The following PI4KB variants were observed in gnomAD, a reference collection of about 807,000 sequenced individuals.
PI4KB encodes the protein PtdIns 4-kinase beta.
In PI4KB, 23 loss-of-function variants were observed where a neutral mutation model predicts 81.4. The ratio of observed to expected loss-of-function variants is 0.28; its 90% CI spans 0.20 to 0.40. PI4KB has a LOEUF of 0.40. Among genes scored for constraint, PI4KB ranks in the 10% least tolerant of loss-of-function variants. The pLI is 1.00. For missense variants in PI4KB, 651 were observed against 1,036.6 expected (o/e 0.63, Z 5.11); for synonymous variants, 381 against 406.8 (o/e 0.94, Z 0.76).
chr1:151,310,434 C>T (rs1696129893), intron 2 of PI4KB, among the ~76,000 whole-genome samples, 179 bp from the exon 3 acceptor site: 1 of 152,204 alleles, frequency 6.6e-6, no homozygotes, highest in South Asian at 2.1e-4. Context: ...TGCTTGACCA[C>T]TTGTAGGAGA....
At chr1:151,314,784 T>C (rs919784066) in intron 2 of PI4KB, among the ~76,000 whole-genome samples, 9 of 151,894 alleles carry the variant, frequency 5.9e-5, no homozygotes, top group African/African-American at 1.4e-4. Flanking sequence ...TGAGGAGGAG[T>C]GGCCAGGAGA....
intron 1 of PI4KB, among the ~76,000 whole-genome samples, chr1:151,318,414 TCA>T (rs1648318476): frequency 9.2e-6 from 1 of 108,644 alleles, no homozygotes; most frequent in Admixed American, 1.0e-4. Context: ...AGACTCTGTC[TCA>T]AAAAAAAAAA....
chr1:151,316,833 T>C (rs1279504328), intron 1 of PI4KB, among the ~76,000 whole-genome samples: 2 of 152,232 alleles, frequency 1.3e-5, no homozygotes, highest in Non-Finnish European at 2.9e-5. Flanking sequence ...GTTGTTGTTG[T>C]TGTTGTTGAG....
rs75398931 is a variant in PI4KB at position 151,310,064 on chromosome 1, G to C, written c.954+147C>G. The C allele has an allele frequency of 8.7e-3, 5,567 of 636,318 alleles. 236 individuals carry two copies. In the African/African-American group the frequency reaches 0.09, roughly 10 times the overall value. 39.4% of individuals were successfully genotyped at this position (636,318 alleles called of 1,614,324 possible). A position where few individuals can be genotyped will look rare whatever the true frequency, so the allele number is the denominator to read the frequency against. On this transcript the variant is annotated intron_variant, in intron 3 of 11. Coordinates refer to ENST00000368873, the MANE Select transcript of PI4KB (RefSeq NM_001369623.2). The stretch of plus-strand genomic sequence containing the variant: ...CAGGGGAACTCCAGCAGATCTGGGA[G>C]GTCTGGGAGGGAGGAGCTGATCTCC...
Position 151,320,839 on chromosome 1 carries a change from C to T in PI4KB, c.-28-4330G>A, listed in dbSNP as rs111936236. On this transcript the variant is annotated intron_variant, in intron 1 of 11. Transcript: ENST00000368873. Reference sequence around the variant, plus strand: ...TTCTCAGTCTCTATGTTTGGTACATCCTTTCCTCTCCCTCTAGTCCACAGA... The same window carrying T: ...TTCTCAGTCTCTATGTTTGGTACATTCTTTCCTCTCCCTCTAGTCCACAGA... Among the ~76,000 whole-genome samples, 14 of 152,344 alleles carry T rather than the reference C, an allele frequency of 9.2e-5. 1 individual carries two copies. Among genetic ancestry groups the T allele is most frequent in the African/African-American group, 3.4e-4 (14 of 41,580 alleles).
chr1:151,311,803 A>G lies in PI4KB; in HGVS notation c.910-1548T>C, dbSNP rs1696251236. 2.6e-5 allele frequency among the ~76,000 whole-genome samples: 4 copies of G among 152,222 alleles called. No individual in the cohort carries two copies. The South Asian group carries it at 8.3e-4, about 31-fold the overall frequency. On this transcript the variant is annotated intron_variant, in intron 2 of 11. Coordinates refer to ENST00000368873, the MANE Select transcript of PI4KB (RefSeq NM_001369623.2). ...TCCGGGGAGTAAAGATGAAGCAAGA[A>G]GCTGACATCACACCATATCAAGCTA...
chr1:151,293,493 G>C, intron 11 of PI4KB: 1 of 1,095,330 alleles, frequency 9.1e-7, no homozygotes, highest in Non-Finnish European at 1.2e-6. Flanking sequence ...TGGGGAGGAG[G>C]GGGAGACTGG....
At chr1:151,293,803 C>T in intron 11 of PI4KB, 2 of 529,306 alleles carry the variant, frequency 3.8e-6, no homozygotes, top group Non-Finnish European at 6.6e-6. Flanking sequence ...GAGGCAGGTG[C>T]TGCTATCCCC....
chr1:151,311,701 G>T (rs1469618752), intron 2 of PI4KB, among the ~76,000 whole-genome samples: 1 of 152,322 alleles, frequency 6.6e-6, no homozygotes, highest in South Asian at 2.1e-4. Flanking sequence ...CTCATTGACA[G>T]CCCTGGGGGA....
intron 5 of PI4KB, among the ~76,000 whole-genome samples, chr1:151,305,545 T>C (rs587763589): frequency 1.3e-5 from 2 of 152,314 alleles, no homozygotes; most frequent in East Asian, 1.9e-4. Context: ...TTCCTACCCA[T>C]GCTTCCAGCC....
intron 3 of PI4KB, among the ~76,000 whole-genome samples, chr1:151,308,717 G>A (rs771651723): frequency 6.6e-6 from 1 of 152,062 alleles, no homozygotes. Flanking sequence ...AGCTAGACAC[G>A]AAGAAAGGCT....
At chr1:151,321,443 G>C (rs2102014998) in intron 1 of PI4KB, among the ~76,000 whole-genome samples, 2 of 152,080 alleles carry the variant, frequency 1.3e-5, no homozygotes, top group South Asian at 4.2e-4. Context: ...GGAGTGCAGT[G>C]GCGCAATGTT....
intron 1 of PI4KB, among the ~76,000 whole-genome samples, chr1:151,322,251 T>G (rs1412080192): frequency 6.6e-6 from 1 of 152,162 alleles, no homozygotes; most frequent in East Asian, 1.9e-4. Flanking sequence ...CTGGTCTGAG[T>G]GACAAGGAAT....
At chr1:151,327,171 T>C (rs1571241611) in intron 1 of PI4KB, 100 bp downstream of exon 1, 1 of 391,310 alleles carries the variant, frequency 2.6e-6, no homozygotes, top group African/African-American at 2.1e-5. Context: ...AGTTTCGTAG[T>C]CGAACTCAGG....
chr1:151,305,073 G>C (rs1695648810), intron 5 of PI4KB, among the ~76,000 whole-genome samples: 1 of 151,754 alleles, frequency 6.6e-6, no homozygotes. Flanking sequence ...CAGGTGATCT[G>C]CTCGCCCTGT....
chr1:151,297,068 C>T (rs587639446), intron 9 of PI4KB, among the ~76,000 whole-genome samples: 150 of 152,338 alleles, frequency 9.8e-4, no homozygotes, highest in African/African-American at 3.5e-3. Flanking sequence ...TGAGCCACTG[C>T]ATCCAGCCTA....
rs1694487399 is a variant in PI4KB at position 151,293,424 on chromosome 1, T to C, written c.2270-391A>G. The C allele has an allele frequency of 3.2e-6, 4 of 1,256,206 alleles. No homozygotes were observed. The South Asian group carries it at 4.2e-5, about 13-fold the overall frequency. 77.8% of individuals were successfully genotyped at this position (1,256,206 alleles called of 1,614,324 possible). A position where few individuals can be genotyped will look rare whatever the true frequency, so the allele number is the denominator to read the frequency against. Reference sequence around the variant, plus strand: ...CAGATGACCTGGGCCACCGTCATCATGGGGCCAGATGGGGATGATCCTGAG... The same window carrying C: ...CAGATGACCTGGGCCACCGTCATCACGGGGCCAGATGGGGATGATCCTGAG... On this transcript the variant is annotated intron_variant, in intron 11 of 11. Coordinates refer to ENST00000368873, the MANE Select transcript of PI4KB (RefSeq NM_001369623.2).
intron 1 of PI4KB, among the ~76,000 whole-genome samples, chr1:151,323,079 G>C (rs1476752623): frequency 1.3e-5 from 2 of 152,078 alleles, no homozygotes; most frequent in African/African-American, 4.8e-5. Context: ...AAGAAAGAAA[G>C]GTTCAAATAT....
chr1:151,323,947 CA>C (rs1411720519), intron 1 of PI4KB, among the ~76,000 whole-genome samples: 2 of 150,974 alleles, frequency 1.3e-5, no homozygotes, highest in Admixed American at 6.6e-5. Context: ...TGCATTCCTT[CA>C]AAAAAAAATT....
Sources: allele counts gnomAD v4.1 joint callset (sites outside exome capture counted in the v4.1 genomes callset), GRCh38; gene constraint gnomAD v4.1.1; transcripts MANE v1.5; gene names NCBI Gene and HGNC (gene_info 2026-07-23, HGNC 2026-07-21).